The following BLNK variants were observed in gnomAD, a reference collection of about 807,000 sequenced individuals.
BLNK encodes the protein B-cell linker protein.
In BLNK, 29 loss-of-function variants were observed where a neutral mutation model predicts 73.5. The observed-to-expected ratio is 0.39, with a 90% confidence interval of 0.29 to 0.54. BLNK has a LOEUF of 0.54. BLNK is among the 20% of genes least tolerant of loss of function. The pLI is 0.61. For missense variants in BLNK, 460 were observed against 562.8 expected (o/e 0.82, Z 1.85); for synonymous variants, 176 against 200.8 (o/e 0.88, Z 1.04).
At chr10:96,201,773 T>C (rs1280992820) in intron 13 of BLNK, among the ~76,000 whole-genome samples, 1 of 152,228 alleles carries the variant, frequency 6.6e-6, no homozygotes, top group East Asian at 1.9e-4. Context: ...CATTCATTCT[T>C]GTTTCTCTGC....
intron 2 of BLNK, among the ~76,000 whole-genome samples, chr10:96,245,834 A>C (rs907345857): frequency 6.6e-6 from 1 of 152,222 alleles, no homozygotes; most frequent in Non-Finnish European, 1.5e-5. Context: ...ATACTTATAC[A>C]CACATACATA....
intron 1 of BLNK, among the ~76,000 whole-genome samples, chr10:96,262,119 T>C (rs531334340): frequency 4.7e-4 from 72 of 152,312 alleles, no homozygotes; most frequent in African/African-American, 1.6e-3. Flanking sequence ...AGGCTGTTGA[T>C]TGAACCACCT....
At chr10:96,209,387 T>TATTC (rs1554898145) in intron 9 of BLNK, among the ~76,000 whole-genome samples, 1 of 151,940 alleles carries the variant, frequency 6.6e-6, no homozygotes, top group African/African-American at 2.4e-5. Flanking sequence ...TTTATTTATT[T>TATTC]ATTTATTTAT....
intron 1 of BLNK, among the ~76,000 whole-genome samples, chr10:96,251,797 T>G (rs574649855): frequency 6.6e-6 from 1 of 152,314 alleles, no homozygotes; most frequent in African/African-American, 2.4e-5. Context: ...TTAAGACACG[T>G]AACTTAGTCA....
intron 2 of BLNK, among the ~76,000 whole-genome samples, chr10:96,244,192 C>T (rs541200729): frequency 5.7e-4 from 87 of 152,230 alleles, no homozygotes; most frequent in South Asian, 1.0e-3. Context: ...AAGATACTAT[C>T]ATTAGTCCCA....
At chr10:96,210,488 A>G (rs1228930524) in intron 8 of BLNK, among the ~76,000 whole-genome samples, 2 of 152,268 alleles carry the variant, frequency 1.3e-5, no homozygotes, top group Non-Finnish European at 2.9e-5. Flanking sequence ...TTAATGGACA[A>G]ATTGAGACAA....
chr10:96,246,307 C>G (rs11188678), intron 2 of BLNK, among the ~76,000 whole-genome samples: 1,912 of 152,252 alleles, frequency 0.013, 43 homozygotes, highest in African/African-American at 0.043. Context: ...AATCCCAGCA[C>G]TTTGGGAGGC....
At chr10:96,233,447 T>C (rs11597894) in intron 3 of BLNK, among the ~76,000 whole-genome samples, 19,707 of 152,264 alleles carry the variant, frequency 0.13, 1,502 homozygotes, top group South Asian at 0.31. Context: ...TGACTCCCTA[T>C]GGAATCAAGT....
Position 96,200,103 on chromosome 10 carries a change from G to A in BLNK, c.1067C>T (p.Ala356Val). The A allele has an allele frequency of 1.9e-6, 3 of 1,614,000 alleles. No homozygotes were observed. The highest frequency in any genetic ancestry group is 2.5e-6 in the Non-Finnish European group (3 of 1,179,954). ...GTTTGATCTGTGCAATGCCTCTTCA[G>A]CAGACTTTCGATCACAGGCTCCAGC... ...WYAGACDRKS[A>V]EEALHRSNKD... The change falls in exon 15 of 17, where the codon GCT becomes GTT. Residue 356 changes from alanine to valine, a missense_variant. This residue lies in a region of BLNK where 88 missense variants were observed against 143.4 expected (regional missense o/e 0.61). Transcript: ENST00000224337. The surrounding 1 kb of genome is among the most constrained non-coding windows in gnomAD (Gnocchi z 4.3).
At position 96,208,006 on chromosome 10, in the gene BLNK, C is replaced by T. The variant is rs1047135347; in HGVS notation, c.747-107G>A. On this transcript the variant is annotated intron_variant, in intron 9 of 16. Transcript: ENST00000224337. ...TTAAGCTAGAATTATGAAAGCGATA[C>T]AAGTGTGTAGAAGACTATCCTTGCA... 6.6e-6 allele frequency: 8 copies of T among 1,212,552 alleles called. No individual in the cohort carries two copies. In the African/African-American group the frequency reaches 1.2e-4, roughly 18 times the overall value. 75.1% of individuals were successfully genotyped at this position (1,212,552 alleles called of 1,614,324 possible).
At chr10:96,194,768 A>ATTTTTTTTTTTTTTTTTTTTTTT (rs71034364) in intron 16 of BLNK, among the ~76,000 whole-genome samples, 1 of 110,286 alleles carries the variant, frequency 9.1e-6, no homozygotes, top group Admixed American at 1.1e-4. Flanking sequence ...AGAAATGCAA[A>ATTTTTTTTTTTTTTTTTTTTTTT]TTTTTTTTTT....
chr10:96,224,935 T>C lies in BLNK; in HGVS notation c.362-946A>G, dbSNP rs2084284133. On this transcript the variant is annotated intron_variant, in intron 5 of 16. Coordinates refer to ENST00000224337, the MANE Select transcript of BLNK (RefSeq NM_013314.4). ...CTGGTTTTGAACTCCTGACCCCAAG[T>C]GATTCACCCACCTCAGCCTCCTGAA... Among the ~76,000 whole-genome samples, 3 of 152,222 alleles carry C rather than the reference T, an allele frequency of 2.0e-5. No individual in the cohort carries two copies. The South Asian group carries it at 6.2e-4, about 32-fold the overall frequency.
chr10:96,234,125 G>A (rs1842610461), intron 3 of BLNK, among the ~76,000 whole-genome samples: 1 of 152,228 alleles, frequency 6.6e-6, no homozygotes, highest in Non-Finnish European at 1.5e-5. Flanking sequence ...GGCTGTGTTG[G>A]CTCCTGCAGC....
intron 2 of BLNK, among the ~76,000 whole-genome samples, chr10:96,245,438 T>C (rs371734744): frequency 2.6e-5 from 4 of 152,302 alleles, no homozygotes; most frequent in Non-Finnish European, 5.9e-5. Flanking sequence ...AATGAACATT[T>C]ATTAAAGTAT....
chr10:96,260,528 TG>T (rs1843707858), intron 1 of BLNK, among the ~76,000 whole-genome samples: 1 of 152,160 alleles, frequency 6.6e-6, no homozygotes, highest in Non-Finnish European at 1.5e-5. Context: ...ATTAACTTAA[TG>T]GGGGAAAAAG....
rs2083334683 is a variant in BLNK at position 96,191,849 on chromosome 10, T to C, written c.*124A>G. 1 of 1,323,170 alleles carries C rather than the reference T, an allele frequency of 7.6e-7. No homozygotes were observed. The highest frequency in any genetic ancestry group is 1.1e-6 in the Non-Finnish European group (1 of 928,608). The allele number at this position is 1,323,170 out of a possible 1,614,324, so 82.0% of individuals were successfully genotyped here. On this transcript the variant is annotated 3_prime_UTR_variant, in exon 17 of 17. Transcript: ENST00000224337. Reference sequence around the variant, plus strand: ...ATGGATGACCACTTCAATAGCTGACTCCATCTTCCATTTTATTACTGGATG... The same window carrying C: ...ATGGATGACCACTTCAATAGCTGACCCCATCTTCCATTTTATTACTGGATG...
At chr10:96,225,040 A>G (rs1185671089) in intron 5 of BLNK, among the ~76,000 whole-genome samples, 1 of 152,200 alleles carries the variant, frequency 6.6e-6, no homozygotes, top group Non-Finnish European at 1.5e-5. Context: ...TATCGACCTT[A>G]GAGATCTTGA....
chr10:96,198,326 CAAAT>C (rs1175392968), intron 15 of BLNK, among the ~76,000 whole-genome samples: 1 of 152,026 alleles, frequency 6.6e-6, no homozygotes, highest in Non-Finnish European at 1.5e-5. Flanking sequence ...AGAAGAAAAA[CAAAT>C]AAGGGAACAG....
chr10:96,266,184 C>G (rs1843989277), intron 1 of BLNK, among the ~76,000 whole-genome samples: 1 of 152,140 alleles, frequency 6.6e-6, no homozygotes, highest in Non-Finnish European at 1.5e-5. Context: ...GTTAAATCAC[C>G]TGTAGGGAGA....
Sources: allele counts gnomAD v4.1 joint callset (sites outside exome capture counted in the v4.1 genomes callset), GRCh38; gene constraint gnomAD v4.1.1; regional missense constraint gnomAD v4.1.1; non-coding constraint Gnocchi (gnomAD v3.1); transcripts MANE v1.5; gene names NCBI Gene and HGNC (gene_info 2026-07-23, HGNC 2026-07-21).